Variants in CNTN4 observed in about 807,000 individuals in gnomAD.
CNTN4 encodes the protein contactin 4.
CNTN4 carries 77 observed loss-of-function variants against 122.5 expected under a neutral mutation model. The ratio of observed to expected loss-of-function variants is 0.63; its 90% confidence interval spans 0.52 to 0.76. CNTN4 has a LOEUF of 0.76. CNTN4 is among the 30% of genes least tolerant of loss of function. The pLI is 0.00. For missense variants in CNTN4, 1,256 were observed against 1,259.1 expected, an observed-to-expected ratio of 1.00 and a Z score of 0.04; for synonymous variants, 512 against 447.0, an observed-to-expected ratio of 1.15 and a Z score of -1.83.
At chr3:2,470,751 C>T (rs781449401) in intron 3 of CNTN4, among the ~76,000 whole-genome samples, 34 of 152,162 alleles carry the variant, frequency 2.2e-4, no homozygotes, top group Admixed American at 4.6e-4. Context: ...CCTGGCCTGC[C>T]TCTCGTTTTA....
intron 6 of CNTN4, among the ~76,000 whole-genome samples, chr3:2,748,246 C>T (rs2089902029): frequency 6.6e-6 from 1 of 152,116 alleles, no homozygotes; most frequent in Admixed American, 6.5e-5. Flanking sequence ...TTATTTTAAA[C>T]ATATAATCAT....
chr3:2,521,343 T>TCGTCCCCCCCCCCCCCCCCCCC (rs781282977), intron 3 of CNTN4, among the ~76,000 whole-genome samples: 1 of 128,310 alleles, frequency 7.8e-6, no homozygotes, highest in Non-Finnish European at 1.6e-5. Context: ...CCTCTACCCA[T>TCGTCCCCCCCCCCCCCCCCCCC]CCCCCCCACC....
chr3:2,942,650 C>T (rs1419412091), intron 13 of CNTN4, among the ~76,000 whole-genome samples: 1 of 152,120 alleles, frequency 6.6e-6, no homozygotes, highest in Non-Finnish European at 1.5e-5. Context: ...GTTGTAAATA[C>T]TACATCAATA....
chr3:2,118,251 G>A (rs2033505619), intron 2 of CNTN4, among the ~76,000 whole-genome samples: 1 of 152,118 alleles, frequency 6.6e-6, no homozygotes, highest in South Asian at 2.1e-4. Context: ...CTAATAAATG[G>A]CAATACTGAT....
chr3:2,492,147 T>C (rs2076336719), intron 3 of CNTN4, among the ~76,000 whole-genome samples: 3 of 152,362 alleles, frequency 2.0e-5, no homozygotes, highest in South Asian at 2.1e-4. Flanking sequence ...TGTTGCCTCC[T>C]GCGTTTCTAG....
chr3:3,012,972 A>C (rs1373640836), intron 14 of CNTN4, among the ~76,000 whole-genome samples: 1 of 151,962 alleles, frequency 6.6e-6, no homozygotes. Flanking sequence ...CCATCTAAAA[A>C]ATAAAAAAAT....
Position 2,362,376 on chromosome 3 carries a change from C to G in CNTN4, c.-89+23143C>G, listed in dbSNP as rs181662865. 3.3e-5 allele frequency: 11 copies of G among 331,164 alleles called. 1 individual carries two copies. The East Asian group carries it at 9.7e-4, about 29-fold the overall frequency. The allele number at this position is 331,164 out of a possible 1,614,324, so 20.5% of individuals were successfully genotyped here. A position where few individuals can be genotyped will look rare whatever the true frequency, so the allele number is the denominator to read the frequency against. On this transcript the variant is annotated intron_variant, in intron 3 of 24. Transcript: ENST00000418658. ...GTGTGACTGGTGGGAATGAAATGAC[C>G]AAGGCCCAGCGGGCAATTCCTGGGG...
chr3:2,847,808 T>C (rs1042852847), intron 7 of CNTN4, among the ~76,000 whole-genome samples: 1 of 152,192 alleles, frequency 6.6e-6, no homozygotes, highest in Non-Finnish European at 1.5e-5. Flanking sequence ...TTTATAGAGA[T>C]ACTCTTAGGG....
chr3:2,618,308 T>C (rs781564718), intron 4 of CNTN4, among the ~76,000 whole-genome samples: 1 of 152,182 alleles, frequency 6.6e-6, no homozygotes, highest in Non-Finnish European at 1.5e-5. Context: ...TGTGTATGTA[T>C]GTATAATATG....
At chr3:2,665,031 AG>A (rs1164615653) in intron 4 of CNTN4, among the ~76,000 whole-genome samples, 2 of 152,140 alleles carry the variant, frequency 1.3e-5, no homozygotes, top group East Asian at 3.9e-4. Context: ...CATCAAAACA[AG>A]GGCTCTCTCC....
chr3:2,242,040 C>G (rs943450197), intron 2 of CNTN4, among the ~76,000 whole-genome samples: 3 of 152,088 alleles, frequency 2.0e-5, no homozygotes, highest in Admixed American at 6.6e-5. Flanking sequence ...CATACATGGT[C>G]TTAGGTATTG....
intron 4 of CNTN4, among the ~76,000 whole-genome samples, chr3:2,672,624 C>T (rs980537133): frequency 3.3e-5 from 5 of 152,178 alleles, no homozygotes; most frequent in Admixed American, 6.5e-5. Flanking sequence ...TACTGTCTGA[C>T]AATCCCCAGT....
At chr3:2,998,695 G>A (rs1695759771) in intron 14 of CNTN4, among the ~76,000 whole-genome samples, 1 of 152,084 alleles carries the variant, frequency 6.6e-6, no homozygotes, top group Non-Finnish European at 1.5e-5. Flanking sequence ...TGTATCTAAT[G>A]GCCCCAGTAC....
At chr3:2,490,762 T>G (rs561210110) in intron 3 of CNTN4, among the ~76,000 whole-genome samples, 50 of 152,326 alleles carry the variant, frequency 3.3e-4, no homozygotes, top group Non-Finnish European at 4.7e-4. Context: ...TTAAAGGCAA[T>G]CAACTTTCAA....
chr3:2,567,385 C>T (rs1352116910), intron 3 of CNTN4, among the ~76,000 whole-genome samples: 1 of 151,998 alleles, frequency 6.6e-6, no homozygotes, highest in East Asian at 1.9e-4. Flanking sequence ...CGTGCCTGGC[C>T]TCAAGTCCAG....
chr3:2,819,756 C>T lies in CNTN4; in HGVS notation c.454+175C>T, dbSNP rs888829913. Among the ~76,000 whole-genome samples, 14 of 152,224 alleles carry T rather than the reference C, an allele frequency of 9.2e-5. 1 individual carries two copies. In the South Asian group the frequency reaches 2.3e-3, roughly 25 times the overall value. On this transcript the variant is annotated intron_variant, in intron 7 of 24. Coordinates refer to ENST00000418658, the MANE Select transcript of CNTN4 (RefSeq NM_175607.3). ...CTCCCATCATTAGGACAGGAAAATA[C>T]CAGATTGTGCAAATTTTCCACCCCA...
intron 2 of CNTN4, among the ~76,000 whole-genome samples, chr3:2,265,067 C>T (rs777416300): frequency 2.0e-5 from 3 of 152,092 alleles, no homozygotes; most frequent in South Asian, 4.2e-4. Context: ...TATGCCTTTG[C>T]GCCCCCATAG....
intron 7 of CNTN4, 103 bp from the exon 8 acceptor site, chr3:2,866,649 G>A: frequency 7.9e-7 from 1 of 1,272,564 alleles, no homozygotes; most frequent in South Asian, 1.2e-5. Context: ...AAGAGTCATT[G>A]GACAACAATG....
intron 3 of CNTN4, among the ~76,000 whole-genome samples, chr3:2,346,274 A>T (rs114580189): frequency 7.9e-4 from 121 of 152,234 alleles, no homozygotes; most frequent in African/African-American, 2.9e-3. Context: ...GTCAAATTTA[A>T]TGTTCCCAAA....
Sources: gnomAD v4.1 joint callset for allele counts (sites outside exome capture counted in the v4.1 genomes callset) on GRCh38, gnomAD v4.1.1 for gene constraint, MANE v1.5 for transcripts, NCBI Gene and HGNC (gene_info 2026-07-23, HGNC 2026-07-21) for gene names.